DLG2: variants seen among roughly 807,000 people sequenced by gnomAD.
DLG2 encodes the protein disks large homolog 2.
A neutral mutation model predicts 132.5 loss-of-function variants in DLG2; 45 were observed. The ratio of observed to expected loss-of-function variants is 0.34; its 90% CI spans 0.27 to 0.44. The LOEUF (loss-of-function observed/expected upper bound fraction) is 0.44. Among genes scored for constraint, DLG2 ranks in the 20% least tolerant of loss-of-function variants. The pLI is 1.00. For synonymous variants in DLG2, 424 were observed against 419.6 expected (o/e 1.01, Z -0.13); for missense variants, 1,045 against 1,196.9 (o/e 0.87, Z 1.87).
intron 3 of DLG2, among the ~76,000 whole-genome samples, chr11:85,490,679 A>G (rs1254715986): frequency 6.6e-6 from 1 of 152,146 alleles, no homozygotes; most frequent in Non-Finnish European, 1.5e-5. Context: ...ATATGCTCAC[A>G]AACTATATGC....
intron 6 of DLG2, among the ~76,000 whole-genome samples, chr11:85,059,269 G>GA (rs976955456): frequency 5.9e-4 from 87 of 147,958 alleles, no homozygotes; most frequent in African/African-American, 8.1e-4. Context: ...AGTAGCTACT[G>GA]AAAAAAAAAA....
chr11:84,058,233 G>C (rs2096535470), intron 11 of DLG2, among the ~76,000 whole-genome samples: 2 of 151,844 alleles, frequency 1.3e-5, no homozygotes, highest in African/African-American at 4.8e-5. Context: ...GTGATTATTT[G>C]GTCAAAATCA....
chr11:84,521,604 C>T (rs962252371), intron 7 of DLG2, among the ~76,000 whole-genome samples: 7 of 152,120 alleles, frequency 4.6e-5, no homozygotes, highest in African/African-American at 1.7e-4. Flanking sequence ...ACTTAAAAGC[C>T]TCTTGCCTGG....
chr11:85,467,798 T>G (rs192850194), intron 3 of DLG2, among the ~76,000 whole-genome samples: 1 of 152,344 alleles, frequency 6.6e-6, no homozygotes, highest in East Asian at 1.9e-4. Context: ...CTGCCAGGCT[T>G]TGGTATCAGG....
intron 3 of DLG2, among the ~76,000 whole-genome samples, chr11:85,379,600 A>C (rs1229476113): frequency 5.9e-5 from 9 of 152,216 alleles, no homozygotes; most frequent in Non-Finnish European, 5.9e-5. Flanking sequence ...TTGGGTACCA[A>C]TAAAAATGAA....
chr11:83,512,411 A>G lies in DLG2; in HGVS notation c.2193+20297T>C, dbSNP rs181842815. On this transcript the variant is annotated intron_variant, in intron 21 of 27. Coordinates refer to ENST00000376104, the MANE Select transcript of DLG2 (RefSeq NM_001142699.3). ...TCTACTCCTGTTCAAGAAATAAGCA[A>G]TAAACGAGTAATACAAATTTTTCTA... Among the ~76,000 whole-genome samples the G allele has an allele frequency of 2.2e-3, 333 of 152,366 alleles. 2 individuals are homozygous for G. Among genetic ancestry groups the G allele is most frequent in the African/African-American group, 4.0e-3 (165 of 41,582 alleles).
At chr11:84,313,257 G>C (rs2098310341) in intron 7 of DLG2, among the ~76,000 whole-genome samples, 1 of 151,872 alleles carries the variant, frequency 6.6e-6, no homozygotes, top group Non-Finnish European at 1.5e-5. Flanking sequence ...CTGGGACTAT[G>C]GTGTGCACCA....
chr11:84,516,893 CATGTACTTAT>C (rs1289097416), intron 7 of DLG2, among the ~76,000 whole-genome samples: 1 of 150,052 alleles, frequency 6.7e-6, no homozygotes, highest in Admixed American at 6.7e-5. Context: ...TGGTCTTGAT[CATGTACTTAT>C]TACTGTGATC....
At chr11:84,989,565 C>A (rs536203678) in intron 6 of DLG2, among the ~76,000 whole-genome samples, 33 of 152,286 alleles carry the variant, frequency 2.2e-4, no homozygotes, top group Non-Finnish European at 4.4e-4. Flanking sequence ...AGATTTAATA[C>A]AATTACTATC....
intron 6 of DLG2, among the ~76,000 whole-genome samples, chr11:85,089,707 C>A (rs867517050): frequency 2.0e-5 from 3 of 152,156 alleles, no homozygotes; most frequent in Non-Finnish European, 4.4e-5. Flanking sequence ...AATCTCCAAA[C>A]TGCTTTCCAC....
At chr11:84,067,790 C>T (rs2096701592) in intron 10 of DLG2, among the ~76,000 whole-genome samples, 1 of 152,096 alleles carries the variant, frequency 6.6e-6, no homozygotes, top group African/African-American at 2.4e-5. Flanking sequence ...CCTCATTAGG[C>T]ATTATTAGTT....
chr11:83,845,770 T>A (rs1396038546), intron 16 of DLG2, among the ~76,000 whole-genome samples: 2 of 152,222 alleles, frequency 1.3e-5, no homozygotes, highest in Non-Finnish European at 2.9e-5. Flanking sequence ...TGGAGCTACA[T>A]AGATCTAGGC....
intron 19 of DLG2, among the ~76,000 whole-genome samples, chr11:83,586,204 G>GA (rs762193544): frequency 6.6e-6 from 1 of 152,198 alleles, no homozygotes; most frequent in Non-Finnish European, 1.5e-5. Flanking sequence ...TCAGGAGCCA[G>GA]AAAAAAGGGC....
chr11:84,332,908 C>T lies in DLG2; in HGVS notation c.520-81617G>A, dbSNP rs561972786. 5.9e-5 allele frequency among the ~76,000 whole-genome samples: 9 copies of T among 152,282 alleles called. No individual in the cohort carries two copies. In the East Asian group the frequency reaches 1.4e-3, roughly 23 times the overall value. ...TTTCAGTTCCAGAAAGCACCCAGGC[C>T]ATTCAAGAGGGAGTATTCAATAAGT... On this transcript the variant is annotated intron_variant, in intron 7 of 27. Coordinates refer to ENST00000376104, the MANE Select transcript of DLG2 (RefSeq NM_001142699.3).
chr11:85,238,210 TTTATTTA>T (rs1565199711), intron 4 of DLG2, among the ~76,000 whole-genome samples: 12 of 7,584 alleles, frequency 1.6e-3, no homozygotes, highest in South Asian at 9.2e-3. Flanking sequence ...TTTTATTTTA[TTTATTTA>T]TTTATTTATT....
At chr11:83,537,807 C>CAAA (rs1164386994) in intron 20 of DLG2, among the ~76,000 whole-genome samples, 225 of 18,032 alleles carry the variant, frequency 0.012, 11 homozygotes, top group African/African-American at 0.019. Context: ...GACTCTGTCT[C>CAAA]AAAAAAAAAA....
chr11:84,930,376 A>G (rs1312764329), intron 6 of DLG2, among the ~76,000 whole-genome samples: 1 of 152,156 alleles, frequency 6.6e-6, no homozygotes, highest in Non-Finnish European at 1.5e-5. Context: ...AGTATTGTTA[A>G]TTATTCTTCA....
intron 11 of DLG2, among the ~76,000 whole-genome samples, chr11:84,025,886 T>C (rs1274862906): frequency 3.3e-5 from 5 of 152,096 alleles, no homozygotes; most frequent in Admixed American, 1.3e-4. Flanking sequence ...TAAGCATTCT[T>C]ATATTGACAA....
At chr11:83,477,936 A>G (rs1206870551) in intron 22 of DLG2, among the ~76,000 whole-genome samples, 2 of 152,028 alleles carry the variant, frequency 1.3e-5, no homozygotes, top group African/African-American at 2.4e-5. Flanking sequence ...CTAGCTAGCA[A>G]GTTCCTCATC....
Sources: gnomAD v4.1 joint callset for allele counts (sites outside exome capture counted in the v4.1 genomes callset) on GRCh38, gnomAD v4.1.1 for gene constraint, MANE v1.5 for transcripts, NCBI Gene and HGNC (gene_info 2026-07-23, HGNC 2026-07-21) for gene names.